Variants in FERMT3 observed in about 807,000 individuals in gnomAD.
The protein encoded by FERMT3 is FERM domain containing kindlin 3, also known as fermitin family homolog 3.
FERMT3 carries 33 observed loss-of-function variants against 80.8 expected under a neutral mutation model. The ratio of observed to expected loss-of-function variants is 0.41; its 90% confidence interval spans 0.31 to 0.55. The LOEUF (loss-of-function observed/expected upper bound fraction) is 0.55. Ranked by LOEUF, FERMT3 falls within the 20% of genes least tolerant of loss-of-function variation. The pLI, the probability that FERMT3 is intolerant of heterozygous loss-of-function variation, is 0.31. For synonymous variants in FERMT3, 375 were observed against 372.2 expected (o/e 1.01, Z -0.09); for missense variants, 754 against 908.7 (o/e 0.83, Z 2.19).
chr11:64,218,000 C>CTT (rs34718711), intron 6 of FERMT3, among the ~76,000 whole-genome samples: 1,271 of 119,518 alleles, frequency 0.011, 29 homozygotes, highest in East Asian at 0.013. Flanking sequence ...TTCCTTTTTC[C>CTT]TTTTTTTTTT....
chr11:64,207,320 C>T (rs1005760705), intron 1 of FERMT3, 31 bp from the exon 2 acceptor site: 2 of 1,613,792 alleles, frequency 1.2e-6, no homozygotes, highest in Non-Finnish European at 1.7e-6. Context: ...CCAGGGCCTG[C>T]CCACCTTGCC....
intron 6 of FERMT3, among the ~76,000 whole-genome samples, chr11:64,218,879 G>A (rs1051042253): frequency 2.6e-4 from 39 of 151,714 alleles, no homozygotes; most frequent in Admixed American, 2.6e-3. Flanking sequence ...ACTTGGGGGG[G>A]CCTTAGACTG....
intron 6 of FERMT3, among the ~76,000 whole-genome samples, chr11:64,215,392 G>A (rs150351827): frequency 1.2e-3 from 178 of 152,158 alleles, no homozygotes; most frequent in African/African-American, 4.1e-3. Context: ...ATATTGAGTC[G>A]TTTGTCTTTT....
chr11:64,207,230 C>A, intron 1 of FERMT3, 121 bp from the exon 2 acceptor site: 1 of 1,203,738 alleles, frequency 8.3e-7, no homozygotes, highest in Non-Finnish European at 1.2e-6. Flanking sequence ...GGTGCTCACT[C>A]CCGCCCTCCT....
intron 6 of FERMT3, among the ~76,000 whole-genome samples, chr11:64,214,629 G>A (rs1946513564): frequency 6.6e-6 from 1 of 152,060 alleles, no homozygotes; most frequent in Non-Finnish European, 1.5e-5. Flanking sequence ...TTACAGGCGT[G>A]AGCCACCATG....
Position 64,220,005 on chromosome 11 carries a change from C to A in FERMT3, c.1194C>A (p.Leu398=). The change falls in exon 10 of 15, where the codon CTC becomes CTA. Residue 398 remains leucine (L), a synonymous_variant. Transcript: ENST00000345728. ...CCCCTGGGGACCCCATTCAGCAGCTCAACCTCAAGGGTAAGTGCACAGGGC... is the reference window on the plus strand; with the variant it reads ...CCCCTGGGGACCCCATTCAGCAGCTAAACCTCAAGGGTAAGTGCACAGGGC... The part of the protein sequence containing the change: ...DEAPGDPIQQ[L]NLKGCEVVPD... The A allele has an allele frequency of 6.2e-7, 1 of 1,613,526 alleles. No homozygotes were observed. The highest frequency in any genetic ancestry group is 8.5e-7 in the Non-Finnish European group (1 of 1,179,932).
Position 64,210,485 on chromosome 11 carries a change from G to GCCC in FERMT3, c.161-124_161-122dup. 1 of 941,264 alleles carries GCCC rather than the reference G, an allele frequency of 1.1e-6. No individual in the cohort carries two copies. The highest frequency in any genetic ancestry group is 1.7e-6 in the Non-Finnish European group (1 of 596,604). The allele number at this position is 941,264 out of a possible 1,614,324, so 58.3% of individuals were successfully genotyped here. The stretch of plus-strand genomic sequence containing the variant: ...GGTAGACCCCAGGCCCGCCCAGGCT[G>GCCC]CCCCACTCTTGGCTTAGGCAGGGCA... On this transcript the variant is annotated intron_variant, in intron 2 of 14. Transcript: ENST00000345728. This position sits in a 1 kb window ranked among gnomAD's most constrained non-coding sequence, Gnocchi z 4.3.
At chr11:64,221,272 A>C in intron 13 of FERMT3, 132 bp downstream of exon 13, 1 of 904,276 alleles carries the variant, frequency 1.1e-6, no homozygotes, top group East Asian at 2.6e-5. Context: ...TGTTCTTTGT[A>C]AGCAGGCCTT....
intron 6 of FERMT3, among the ~76,000 whole-genome samples, chr11:64,212,367 C>A (rs1005989046): frequency 6.6e-6 from 1 of 152,222 alleles, no homozygotes; most frequent in Non-Finnish European, 1.5e-5. Flanking sequence ...TGCAAAACAT[C>A]GTAGTTGTCT....
chr11:64,211,495 A>ACC lies in FERMT3; in HGVS notation c.683+56_683+57dup. The ACC allele has an allele frequency of 6.6e-7, 1 of 1,511,244 alleles. No individual in the cohort carries two copies. Among genetic ancestry groups the ACC allele is most frequent in the Non-Finnish European group, 8.8e-7 (1 of 1,132,020 alleles). The allele number at this position is 1,511,244 out of a possible 1,614,324, so 93.6% of individuals were successfully genotyped here. A position where few individuals can be genotyped will look rare whatever the true frequency, so the allele number is the denominator to read the frequency against. On this transcript the variant is annotated intron_variant, in intron 5 of 14. Transcript: ENST00000345728. This position sits in a 1 kb window ranked among gnomAD's most constrained non-coding sequence, Gnocchi z 4.7. ...GTCAGGGCTCCCCCACCCAGGATCC[A>ACC]CCCCCTGTCCCGTGTCTGTGCCCAC... is the stretch of plus-strand genomic sequence containing the variant.
At chr11:64,209,827 C>T (rs1946397457) in intron 2 of FERMT3, among the ~76,000 whole-genome samples, 1 of 152,158 alleles carries the variant, frequency 6.6e-6, no homozygotes, top group African/African-American at 2.4e-5. Context: ...GTGCCCAGAG[C>T]AGCTTTCCGG....
At chr11:64,223,254 G>A in intron 14 of FERMT3, 59 bp from the exon 15 acceptor site, 1 of 1,613,064 alleles carries the variant, frequency 6.2e-7, no homozygotes, top group Non-Finnish European at 8.5e-7. Flanking sequence ...TCCAGCCAGG[G>A]TGGGGCAGGG....
intron 2 of FERMT3, among the ~76,000 whole-genome samples, chr11:64,208,436 C>T (rs1377084729): frequency 2.0e-5 from 3 of 152,216 alleles, no homozygotes; most frequent in African/African-American, 7.2e-5. Flanking sequence ...GCTCTACCCG[C>T]TGCTGGGCAC....
intron 6 of FERMT3, among the ~76,000 whole-genome samples, chr11:64,217,621 T>C (rs1049983197): frequency 6.6e-6 from 1 of 152,180 alleles, no homozygotes; most frequent in Admixed American, 6.5e-5. Flanking sequence ...GGGTACCAAA[T>C]GCAGGGGTGC....
chr11:64,213,225 C>T (rs1358605481), intron 6 of FERMT3, among the ~76,000 whole-genome samples: 4 of 151,980 alleles, frequency 2.6e-5, no homozygotes, highest in Non-Finnish European at 5.9e-5. Flanking sequence ...GATGGAGTTT[C>T]ACCATATTGG....
rs1591022992 is a variant in FERMT3, at chr11:64,207,735, G to C, written c.160+211G>C. ...TCCCTCCCTCCCTTCTGCTGCAGCT[G>C]GTCTGCTAAGGATCAGACGCAGCCA... is the stretch of plus-strand genomic sequence containing the variant. On this transcript the variant is annotated intron_variant, in intron 2 of 14. Coordinates refer to ENST00000345728, the MANE Select transcript of FERMT3 (RefSeq NM_031471.6). 5 of 596,864 alleles carry C rather than the reference G, an allele frequency of 8.4e-6. No homozygotes were observed. In the East Asian group the frequency reaches 1.5e-4, roughly 18 times the overall value. The allele number at this position is 596,864 out of a possible 1,614,324, so 37.0% of individuals were successfully genotyped here.
At chr11:64,217,988 ATTTCCTT>A (rs1946586855) in intron 6 of FERMT3, among the ~76,000 whole-genome samples, 1 of 129,222 alleles carries the variant, frequency 7.7e-6, no homozygotes, top group South Asian at 2.4e-4. Flanking sequence ...CTTCCAAATT[ATTTCCTT>A]TTTCCTTTTT....
Position 64,223,743 on chromosome 11 carries a change from C to G in FERMT3, c.*251C>G. The G allele has an allele frequency of 1.0e-5, 8 of 771,242 alleles. No individual in the cohort carries two copies. 47.8% of individuals were successfully genotyped at this position (771,242 alleles called of 1,614,324 possible). A position where few individuals can be genotyped will look rare whatever the true frequency, so the allele number is the denominator to read the frequency against. On this transcript the variant is annotated 3_prime_UTR_variant, in exon 15 of 15. Transcript: ENST00000345728. Reference sequence around the variant, plus strand: ...CCTTTCCTTGTCTGAGTGGCTGAGGCTGATACCCCTGACCTATCTGCAGTC... The same window carrying G: ...CCTTTCCTTGTCTGAGTGGCTGAGGGTGATACCCCTGACCTATCTGCAGTC...
At position 64,211,819 on chromosome 11, in the gene FERMT3, T is replaced by A; in HGVS notation, c.786+72T>A. 1 of 1,435,960 alleles carries A rather than the reference T, an allele frequency of 7.0e-7. No individual in the cohort carries two copies. Among genetic ancestry groups the A allele is most frequent in the Non-Finnish European group, 9.8e-7 (1 of 1,020,608 alleles). The allele number at this position is 1,435,960 out of a possible 1,614,324, so 89.0% of individuals were successfully genotyped here. On this transcript the variant is annotated intron_variant, in intron 6 of 14. Coordinates refer to ENST00000345728, the MANE Select transcript of FERMT3 (RefSeq NM_031471.6). The surrounding 1 kb of genome is among the most constrained non-coding windows in gnomAD (Gnocchi z 4.7). ...GAGACCTAGGGCCTGGGGTATGGGC[T>A]CTGGGATGTTAGTGACTTGTAGTGG...
Sources: gnomAD v4.1 joint callset for allele counts (sites outside exome capture counted in the v4.1 genomes callset) on GRCh38, gnomAD v4.1.1 for gene constraint, Gnocchi (gnomAD v3.1) non-coding constraint, MANE v1.5 for transcripts, NCBI Gene and HGNC (gene_info 2026-07-23, HGNC 2026-07-21) for gene names.